F13A1: variants seen among roughly 807,000 people sequenced by gnomAD.
F13A1 encodes the protein coagulation factor XIII A chain.
In F13A1, 47 loss-of-function variants were observed where a neutral mutation model predicts 80.1. That is an observed-to-expected ratio of 0.59 (90% CI 0.46 to 0.75). The LOEUF is 0.75. Among genes scored for constraint, F13A1 ranks in the 30% least tolerant of loss-of-function variants. The pLI is 0.00. For synonymous variants in F13A1, 349 were observed against 344.9 expected, an observed-to-expected ratio of 1.01 and a Z score of -0.13; for missense variants, 817 against 930.4, an observed-to-expected ratio of 0.88 and a Z score of 1.59.
Position 6,318,688 on chromosome 6 carries a change from G to GAAAA in F13A1, c.-18-10_-18-7dup, listed in dbSNP as rs398000295. The GAAAA allele has an allele frequency of 7.5e-4, 1,118 of 1,486,652 alleles. 6 individuals are homozygous for GAAAA. The East Asian group carries it at 0.013, about 18-fold the overall frequency. The allele number at this position is 1,486,652 out of a possible 1,614,324, so 92.1% of individuals were successfully genotyped here. ...ATTTTTGACTTTACAAGGTCCTTCA[G>GAAAA]AAAAAAAAAAAAAAGAAGACAACAG... On this transcript the variant is annotated splice_region_variant and splice_polypyrimidine_tract_variant and intron_variant, in intron 1 of 14. Transcript: ENST00000264870.
In F13A1 at chr6:6,316,078, CATATAT is replaced by C. The variant is rs57716665; in HGVS notation, c.130+2451_130+2456del. Among the ~76,000 whole-genome samples, 104 of 34,920 alleles carry C rather than the reference CATATAT, an allele frequency of 3.0e-3. 5 individuals carry two copies. The highest frequency in any genetic ancestry group is 7.1e-3 in the East Asian group (7 of 982). 22.9% of individuals were successfully genotyped at this position (34,920 alleles called of 152,430 possible). ...GTTTGTGTGCTGCTATGTGTGTGTGCATATATATATATATATATATATATATATATA... is the reference window on the plus strand; with the variant it reads ...GTTTGTGTGCTGCTATGTGTGTGTGCATATATATATATATATATATATATA... On this transcript the variant is annotated intron_variant, in intron 2 of 14. Coordinates refer to ENST00000264870, the MANE Select transcript of F13A1 (RefSeq NM_000129.4).
In F13A1 at chr6:6,145,649, G is replaced by A. The variant is rs5989; in HGVS notation, c.2169C>T (p.Asp723=). Residue 723 remains aspartate, a synonymous_variant, in exon 15 of 15, where the codon GAC becomes GAT. Transcript: ENST00000264870. The stretch of plus-strand genomic sequence containing the variant: ...TGGAAGGTCGTCTTTGAATCTGCAC[G>A]TCCAGCTCGCCATACACATGTCTCA... ...DSLRHVYGEL[D]VQIQRRPSM The A allele has an allele frequency of 4.5e-3, 7,257 of 1,614,102 alleles. 30 individuals are homozygous for A. The highest frequency in any genetic ancestry group is 0.012 in the Middle Eastern group (75 of 6,060).
chr6:6,151,631 T>C (rs1347884099), intron 14 of F13A1, among the ~76,000 whole-genome samples, 182 bp downstream of exon 14: 3 of 152,182 alleles, frequency 2.0e-5, no homozygotes, highest in Admixed American at 6.5e-5. Context: ...GATTAAATGA[T>C]GAAAGTGCTG....
At chr6:6,173,786 C>A (rs972919479) in intron 12 of F13A1, among the ~76,000 whole-genome samples, 1 of 152,102 alleles carries the variant, frequency 6.6e-6, no homozygotes, top group African/African-American at 2.4e-5. Context: ...AAAGACTTTC[C>A]TAACTTGGGC....
chr6:6,266,899 A>G (rs1389633478), intron 3 of F13A1, 90 bp from the exon 4 acceptor site: 2 of 1,539,640 alleles, frequency 1.3e-6, no homozygotes, highest in Non-Finnish European at 1.8e-6. Flanking sequence ...AAGGGACAGG[A>G]GTAATCCATT....
chr6:6,179,183 G>C (rs1760935466), intron 11 of F13A1, among the ~76,000 whole-genome samples: 1 of 152,210 alleles, frequency 6.6e-6, no homozygotes, highest in Admixed American at 6.5e-5. Flanking sequence ...GTAACTGAAG[G>C]AGCAAAGAGG....
intron 6 of F13A1, among the ~76,000 whole-genome samples, chr6:6,225,812 T>C (rs999321958): frequency 2.0e-5 from 3 of 152,198 alleles, no homozygotes; most frequent in African/African-American, 4.8e-5. Flanking sequence ...CCAGAGCTTC[T>C]TTTTCCCTTT....
At chr6:6,225,419 G>C (rs1386505647) in intron 6 of F13A1, among the ~76,000 whole-genome samples, 1 of 152,160 alleles carries the variant, frequency 6.6e-6, no homozygotes, top group Non-Finnish European at 1.5e-5. Flanking sequence ...ATGTTGTCTT[G>C]GAATCATTAA....
At chr6:6,257,833 G>A (rs1189149899) in intron 4 of F13A1, among the ~76,000 whole-genome samples, 2 of 152,138 alleles carry the variant, frequency 1.3e-5, no homozygotes, top group African/African-American at 4.8e-5. Context: ...GCTTTTTAGT[G>A]TACTGAGATA....
chr6:6,190,578 C>T (rs1460880832), intron 10 of F13A1, among the ~76,000 whole-genome samples: 3 of 151,412 alleles, frequency 2.0e-5, no homozygotes, highest in Non-Finnish European at 4.4e-5. Flanking sequence ...GCAGTCTGCC[C>T]CTTCTCAGAT....
chr6:6,319,232 A>G (rs1758733907), intron 1 of F13A1, among the ~76,000 whole-genome samples: 1 of 152,252 alleles, frequency 6.6e-6, no homozygotes, highest in South Asian at 2.1e-4. Context: ...GATACATCAG[A>G]GAACAAAACA....
intron 10 of F13A1, among the ~76,000 whole-genome samples, chr6:6,186,745 T>A (rs1561647591): frequency 6.6e-6 from 1 of 152,100 alleles, no homozygotes; most frequent in African/African-American, 2.4e-5. Context: ...AAGTAGTTTT[T>A]TCCAATTCTG....
chr6:6,211,361 C>T (rs1761605625), intron 8 of F13A1, among the ~76,000 whole-genome samples: 1 of 152,186 alleles, frequency 6.6e-6, no homozygotes, highest in African/African-American at 2.4e-5. Context: ...GGTGATTTTC[C>T]TAAAACCAAC....
chr6:6,183,105 T>G (rs1257086312), intron 10 of F13A1, among the ~76,000 whole-genome samples: 2 of 152,184 alleles, frequency 1.3e-5, no homozygotes, highest in Non-Finnish European at 2.9e-5. Flanking sequence ...ATTACATATT[T>G]TATAATCACT....
chr6:6,152,029 A>C, intron 13 of F13A1, 80 bp from the exon 14 acceptor site: 1 of 1,553,592 alleles, frequency 6.4e-7, no homozygotes, highest in Non-Finnish European at 8.8e-7. Context: ...CATCACTTTT[A>C]CTAGAGTTTT....
chr6:6,256,362 G>A (rs910785093), intron 4 of F13A1, among the ~76,000 whole-genome samples: 1 of 152,114 alleles, frequency 6.6e-6, no homozygotes, highest in Non-Finnish European at 1.5e-5. Context: ...TTGATCGTAG[G>A]TGACCTCTGG....
intron 8 of F13A1, among the ~76,000 whole-genome samples, chr6:6,205,403 G>T (rs950571570): frequency 6.6e-6 from 1 of 152,160 alleles, no homozygotes; most frequent in Admixed American, 6.5e-5. Context: ...GGACATCAAC[G>T]CTAAATGCAG....
chr6:6,265,664 G>A (rs896736960), intron 4 of F13A1, among the ~76,000 whole-genome samples: 4 of 152,198 alleles, frequency 2.6e-5, no homozygotes, highest in Non-Finnish European at 5.9e-5. Context: ...TTAAAGTACA[G>A]CTACATCTTT....
At position 6,195,777 on chromosome 6, in the gene F13A1, T is replaced by TC. The variant is rs764800678; in HGVS notation, c.1305+19dup. ...GAGGTTGGGGAGAAAAACAGCACTT[T>TC]CCTCCAGCTTCCTGCTTACCTCTGC... is the stretch of plus-strand genomic sequence containing the variant. On this transcript the variant is annotated intron_variant, in intron 10 of 14. Coordinates refer to ENST00000264870, the MANE Select transcript of F13A1 (RefSeq NM_000129.4). 6.2e-7 allele frequency: 1 copy of TC among 1,611,178 alleles called. No homozygotes were observed. Among genetic ancestry groups the TC allele is most frequent in the Non-Finnish European group, 8.5e-7 (1 of 1,178,074 alleles).
Sources: allele counts gnomAD v4.1 joint callset (sites outside exome capture counted in the v4.1 genomes callset), GRCh38; gene constraint gnomAD v4.1.1; transcripts MANE v1.5; gene names NCBI Gene and HGNC (gene_info 2026-07-23, HGNC 2026-07-21).